BDKRB2: variants seen among roughly 807,000 people sequenced by gnomAD.
The protein encoded by BDKRB2 is bradykinin receptor B2.
BDKRB2 carries 6 observed loss-of-function variants against 4.0 expected under a neutral mutation model. The observed-to-expected ratio is 1.49, with a 90% CI of 0.81 to 2.93. BDKRB2 has a LOEUF of 2.93. Among genes scored for constraint, BDKRB2 ranks in the 30% most tolerant of loss-of-function variants. The pLI is 0.00. For missense variants in BDKRB2, 478 were observed against 520.1 expected, an observed-to-expected ratio of 0.92 and a Z score of 0.79; for synonymous variants, 225 against 215.3, an observed-to-expected ratio of 1.05 and a Z score of -0.40.
At position 96,240,434 on chromosome 14, in the gene BDKRB2, C is replaced by T. The variant is rs1277230957; in HGVS notation, c.106C>T (p.Pro36Ser). The change falls in exon 3 of 3, where the codon CCC becomes TCC. Residue 36 changes from proline to serine, a missense_variant. Transcript: ENST00000554311. ...ADMLNVTLQG[P>S]TLNGTFAQSK... ...CATGCTCAATGTCACCTTGCAAGGG[C>T]CCACTCTTAACGGGACCTTTGCCCA... The T allele has an allele frequency of 2.0e-6, 3 of 1,481,222 alleles. No homozygotes were observed. In the African/African-American group the frequency reaches 4.2e-5, roughly 21 times the overall value. 91.8% of individuals were successfully genotyped at this position (1,481,222 alleles called of 1,614,324 possible). A position where few individuals can be genotyped will look rare whatever the true frequency, so the allele number is the denominator to read the frequency against.
intron 1 of BDKRB2, chr14:96,223,032 A>G: frequency 2.9e-6 from 2 of 692,746 alleles, no homozygotes; most frequent in Non-Finnish European, 5.2e-6. Flanking sequence ...AGTAAGAAAT[A>G]GCAAGGAAGG....
At chr14:96,207,424 A>T (rs199777855) in intron 1 of BDKRB2, among the ~76,000 whole-genome samples, 5,931 of 110,448 alleles carry the variant, frequency 0.054, 259 homozygotes, top group Admixed American at 0.18. Flanking sequence ...ACAGTAAAAA[A>T]TAAAAAAAAT....
intron 1 of BDKRB2, among the ~76,000 whole-genome samples, chr14:96,208,683 T>A (rs1000124055): frequency 6.6e-6 from 1 of 151,958 alleles, no homozygotes. Context: ...CTTAAGGGTG[T>A]CCAGAAAAAA....
In BDKRB2 at chr14:96,241,623, T is replaced by C. The variant is rs1349208963; in HGVS notation, c.*119T>C. 50 of 1,411,282 alleles carry C rather than the reference T, an allele frequency of 3.5e-5. No individual in the cohort carries two copies. Among genetic ancestry groups the C allele is most frequent in the Non-Finnish European group, 4.5e-5 (49 of 1,086,432 alleles). The allele number at this position is 1,411,282 out of a possible 1,614,324, so 87.4% of individuals were successfully genotyped here. A position where few individuals can be genotyped will look rare whatever the true frequency, so the allele number is the denominator to read the frequency against. On this transcript the variant is annotated 3_prime_UTR_variant, in exon 3 of 3. Transcript: ENST00000554311. Reference sequence around the variant, plus strand: ...CACGACCTTGGGAAATGAGTTGATGTCTCCGGTAAAACACCGGAGACTAAT... The same window carrying C: ...CACGACCTTGGGAAATGAGTTGATGCCTCCGGTAAAACACCGGAGACTAAT...
intron 1 of BDKRB2, among the ~76,000 whole-genome samples, chr14:96,213,475 CCT>C (rs1890347979): frequency 6.8e-6 from 1 of 147,458 alleles, no homozygotes; most frequent in Non-Finnish European, 1.5e-5. Flanking sequence ...TCTTCCTGGG[CCT>C]CTGTCTGGAC....
rs1885243365 is a variant in BDKRB2, at chr14:96,240,395, T to G, written c.75-8T>G. 1 of 1,424,350 alleles carries G rather than the reference T, an allele frequency of 7.0e-7. No homozygotes were observed. Among genetic ancestry groups the G allele is most frequent in the Non-Finnish European group, 9.2e-7 (1 of 1,085,468 alleles). The allele number at this position is 1,424,350 out of a possible 1,614,324, so 88.2% of individuals were successfully genotyped here. A position where few individuals can be genotyped will look rare whatever the true frequency, so the allele number is the denominator to read the frequency against. On this transcript the variant is annotated splice_polypyrimidine_tract_variant and splice_region_variant and intron_variant, in intron 2 of 2. Coordinates refer to ENST00000554311, the MANE Select transcript of BDKRB2 (RefSeq NM_001379692.1). ...AGGGGTAACAGCCTCTTTTCCACTT[T>G]CTTTCAGCGCCGACATGCTCAATGT... is the stretch of plus-strand genomic sequence containing the variant.
intron 1 of BDKRB2, among the ~76,000 whole-genome samples, chr14:96,215,486 G>A (rs1890397692): frequency 6.6e-6 from 1 of 151,386 alleles, no homozygotes. Context: ...AAAAAAGGGA[G>A]GGGGTTGAAG....
rs150775486 is a variant in BDKRB2 at position 96,229,995 on chromosome 14, G to A, written c.-39-7074G>A. On this transcript the variant is annotated intron_variant, in intron 1 of 2. Coordinates refer to ENST00000554311, the MANE Select transcript of BDKRB2 (RefSeq NM_001379692.1). ...TACAAAAAAAAAAAATTAGCCAGGT[G>A]TGGTGGCGGGCGCCTGTAGTACCAA... is the stretch of plus-strand genomic sequence containing the variant. Among the ~76,000 whole-genome samples the A allele has an allele frequency of 2.6e-3, 398 of 152,058 alleles. 2 individuals are homozygous for A. Among genetic ancestry groups the A allele is most frequent in the African/African-American group, 9.2e-3 (381 of 41,512 alleles).
intron 1 of BDKRB2, among the ~76,000 whole-genome samples, chr14:96,223,537 AGATGAGTGC>A (rs1423000827): frequency 6.6e-6 from 1 of 152,158 alleles, no homozygotes; most frequent in Non-Finnish European, 1.5e-5. Context: ...TAGCCCAGCC[AGATGAGTGC>A]TCTGTGGACC....
At chr14:96,227,603 ATGCATG>A (rs1566692350) in intron 1 of BDKRB2, among the ~76,000 whole-genome samples, 17 of 152,196 alleles carry the variant, frequency 1.1e-4, no homozygotes, top group Non-Finnish European at 2.1e-4. Context: ...ACACAAACAC[ATGCATG>A]CACACACAAA....
At chr14:96,239,371 A>G in intron 2 of BDKRB2, 1 of 985,398 alleles carries the variant, frequency 1.0e-6, no homozygotes, top group African/African-American at 1.7e-5. Flanking sequence ...GCCCAAGACC[A>G]CACAGCTAGG....
intron 1 of BDKRB2, among the ~76,000 whole-genome samples, chr14:96,234,648 C>T (rs1328496568): frequency 2.0e-5 from 3 of 152,196 alleles, no homozygotes; most frequent in Non-Finnish European, 4.4e-5. Context: ...TTCCTCAACC[C>T]GCCTGCCCTC....
intron 1 of BDKRB2, among the ~76,000 whole-genome samples, chr14:96,212,436 T>C (rs983876136): frequency 2.0e-5 from 3 of 151,694 alleles, no homozygotes; most frequent in Non-Finnish European, 4.4e-5. Flanking sequence ...AACTAGATAA[T>C]AATGATCCAA....
At chr14:96,211,854 C>T (rs937469574) in intron 1 of BDKRB2, among the ~76,000 whole-genome samples, 18 of 152,168 alleles carry the variant, frequency 1.2e-4, no homozygotes, top group Non-Finnish European at 1.5e-4. Context: ...AAGGCCGGTG[C>T]ATTACAGGGC....
intron 2 of BDKRB2, chr14:96,238,789 C>T (rs1885180787): frequency 3.0e-6 from 3 of 985,822 alleles, no homozygotes; most frequent in Admixed American, 6.1e-5. Context: ...ACCCACCAGC[C>T]CCCTCTCCAA....
At position 96,224,443 on chromosome 14, in the gene BDKRB2, T is replaced by C. The variant is rs181923229; in HGVS notation, c.-39-12626T>C. 2.1e-4 allele frequency among the ~76,000 whole-genome samples: 32 copies of C among 152,330 alleles called. 1 individual carries two copies. The highest frequency in any genetic ancestry group is 1.4e-3 in the Admixed American group (21 of 15,302). On this transcript the variant is annotated intron_variant, in intron 1 of 2. Coordinates refer to ENST00000554311, the MANE Select transcript of BDKRB2 (RefSeq NM_001379692.1). ...CTACATTGCAGGGGTTTCTCTGTAA[T>C]GTGCTTAAAAATATGGAAACAATAT... is the stretch of plus-strand genomic sequence containing the variant.
At chr14:96,211,921 T>C (rs76192091) in intron 1 of BDKRB2, among the ~76,000 whole-genome samples, 4,715 of 152,324 alleles carry the variant, frequency 0.031, 316 homozygotes, top group Admixed American at 0.17. Flanking sequence ...CGACAGATTG[T>C]TAAATGCAAA....
chr14:96,233,093 A>G (rs546044668), intron 1 of BDKRB2, among the ~76,000 whole-genome samples: 19 of 152,264 alleles, frequency 1.2e-4, no homozygotes, highest in African/African-American at 4.3e-4. Flanking sequence ...GTGGTGCGAT[A>G]CGGCTCACTG....
intron 1 of BDKRB2, among the ~76,000 whole-genome samples, chr14:96,225,218 T>C (rs1224933305): frequency 6.6e-6 from 1 of 152,142 alleles, no homozygotes; most frequent in Non-Finnish European, 1.5e-5. Flanking sequence ...CAGAATCATC[T>C]GTTACATCCC....
Sources: gnomAD v4.1 joint callset for allele counts (sites outside exome capture counted in the v4.1 genomes callset) on GRCh38, gnomAD v4.1.1 for gene constraint, MANE v1.5 for transcripts, NCBI Gene and HGNC (gene_info 2026-07-23, HGNC 2026-07-21) for gene names.